Variants in RBFOX1 observed in about 807,000 individuals in gnomAD.
RBFOX1 encodes the protein RNA binding fox-1 homolog 1.
A neutral mutation model predicts 57.7 loss-of-function variants in RBFOX1; 8 were observed. The observed-to-expected ratio is 0.14, with a 90% CI of 0.08 to 0.25. The LOEUF is 0.25. Ranked by LOEUF, RBFOX1 falls within the 10% of genes least tolerant of loss-of-function variation. The pLI is 1.00. For synonymous variants in RBFOX1, 326 were observed against 222.4 expected, an observed-to-expected ratio of 1.47 and a Z score of -4.15; for missense variants, 611 against 548.5, an observed-to-expected ratio of 1.11 and a Z score of -1.14.
chr16:6,674,976 G>C (rs2057371700), intron 3 of RBFOX1, among the ~76,000 whole-genome samples: 1 of 151,996 alleles, frequency 6.6e-6, no homozygotes, highest in South Asian at 2.1e-4. Context: ...CATGATCTTG[G>C]CTCACTGCAA....
chr16:7,055,453 G>C (rs149224482), intron 4 of RBFOX1, among the ~76,000 whole-genome samples: 322 of 152,258 alleles, frequency 2.1e-3, no homozygotes, highest in Non-Finnish European at 3.6e-3. Flanking sequence ...CTGTGCTTCC[G>C]TTGGCCTTTC....
intron 2 of RBFOX1, among the ~76,000 whole-genome samples, chr16:6,475,823 A>G (rs1446249481): frequency 6.6e-6 from 1 of 152,208 alleles, no homozygotes; most frequent in Admixed American, 6.5e-5. Flanking sequence ...ATTGTGAGGA[A>G]TATTTCAATA....
At chr16:5,736,323 T>C (rs917676651) in intron 3 of RBFOX1, among the ~76,000 whole-genome samples, 2 of 152,316 alleles carry the variant, frequency 1.3e-5, no homozygotes, top group Non-Finnish European at 2.9e-5. Context: ...CAGAATCAGA[T>C]GTGTCACTAT....
chr16:5,340,852 A>G (rs1482486366), intron 1 of RBFOX1, among the ~76,000 whole-genome samples: 2 of 152,204 alleles, frequency 1.3e-5, no homozygotes, highest in Non-Finnish European at 2.9e-5. Flanking sequence ...GACAAGTCCT[A>G]CAGTTCCAGA....
intron 4 of RBFOX1, among the ~76,000 whole-genome samples, chr16:7,509,426 G>GTGTGTGTGTCTGTGTCTGTGTCTGTGTC (rs1555531504): frequency 6.8e-6 from 1 of 146,380 alleles, no homozygotes; most frequent in African/African-American, 2.5e-5. Context: ...GTGTGTGTGT[G>GTGTGTGTGTCTGTGTCTGTGTCTGTGTC]TGTGTCTGTG....
intron 3 of RBFOX1, chr16:5,867,220 A>G (rs191028778): frequency 2.1e-6 from 2 of 944,036 alleles, no homozygotes; most frequent in East Asian, 6.6e-5. Flanking sequence ...CAAATTATTG[A>G]TGCCAGTTCC....
intron 3 of RBFOX1, among the ~76,000 whole-genome samples, chr16:5,728,542 G>T (rs1318326073): frequency 2.0e-5 from 3 of 152,150 alleles, no homozygotes; most frequent in African/African-American, 7.2e-5. Flanking sequence ...TCCAGGTAAG[G>T]TCCCTGTGTT....
In RBFOX1 at chr16:5,454,925, T is replaced by TCC. The variant is rs1467907202; in HGVS notation, c.220-12291_220-12290insCC. ...TTCTTTCTTTCTTTCCTTTGTTTCTTTCTTCCTTCCTTCCTTCCTTCCTTC... is the reference window on the plus strand; with the variant it reads ...TTCTTTCTTTCTTTCCTTTGTTTCTTCCTCTTCCTTCCTTCCTTCCTTCCTTC... On this transcript the variant is annotated intron_variant, in intron 1 of 2. Transcript: ENST00000585867. 9.6e-4 allele frequency among the ~76,000 whole-genome samples: 51 copies of TCC among 53,024 alleles called. 3 individuals are homozygous for TCC. The highest frequency in any genetic ancestry group is 1.5e-3 in the Non-Finnish European group (38 of 24,648). The allele number at this position is 53,024 out of a possible 152,430, so 34.8% of individuals were successfully genotyped here.
chr16:5,842,973 C>T (rs2056662947), intron 3 of RBFOX1, among the ~76,000 whole-genome samples: 1 of 152,070 alleles, frequency 6.6e-6, no homozygotes, highest in Admixed American at 6.5e-5. Context: ...CATGTGCTAG[C>T]ATGTCTGGCT....
rs572927498 is a variant in RBFOX1, at chr16:7,700,496, C to G, written c.996-8560C>G. On this transcript the variant is annotated intron_variant, in intron 14 of 15. Transcript: ENST00000550418. ...TGCTTCATGGAAGGGTATTGAAAAT[C>G]TCATAAGGGATACAATTTGTTTTTC... is the stretch of plus-strand genomic sequence containing the variant. Among the ~76,000 whole-genome samples the G allele has an allele frequency of 3.9e-5, 6 of 152,292 alleles. No homozygotes were observed. The South Asian group carries it at 1.2e-3, about 32-fold the overall frequency.
chr16:6,251,140 C>T (rs2097607472), intron 1 of RBFOX1, among the ~76,000 whole-genome samples: 2 of 152,166 alleles, frequency 1.3e-5, no homozygotes, highest in Non-Finnish European at 2.9e-5. Flanking sequence ...ATTCACTCCT[C>T]ACAACAACCC....
intron 4 of RBFOX1, among the ~76,000 whole-genome samples, chr16:7,054,545 T>TGGGAGGG (rs1555823211): frequency 9.2e-6 from 1 of 108,404 alleles, no homozygotes; most frequent in Non-Finnish European, 2.0e-5. Flanking sequence ...CAAACCTGGG[T>TGGGAGGG]GGGGGGGCAT....
chr16:6,543,369 G>A (rs149364076), intron 2 of RBFOX1, among the ~76,000 whole-genome samples: 251 of 152,126 alleles, frequency 1.6e-3, no homozygotes, highest in Middle Eastern at 6.8e-3. Context: ...GTCTCTACTC[G>A]GTGGCTTCTC....
intron 4 of RBFOX1, among the ~76,000 whole-genome samples, chr16:7,088,435 C>T (rs1444288911): frequency 6.6e-6 from 1 of 151,952 alleles, no homozygotes; most frequent in Non-Finnish European, 1.5e-5. Context: ...AGATGTGTGT[C>T]CGTATGTGTG....
chr16:5,519,886 C>G (rs1297545242), intron 2 of RBFOX1, among the ~76,000 whole-genome samples: 1 of 152,126 alleles, frequency 6.6e-6, no homozygotes, highest in Admixed American at 6.5e-5. Context: ...TTCAATAATT[C>G]TTTATTGAGC....
intron 1 of RBFOX1, among the ~76,000 whole-genome samples, chr16:5,313,893 G>A (rs935907916): frequency 4.6e-5 from 7 of 152,210 alleles, no homozygotes; most frequent in South Asian, 4.2e-4. Context: ...GGCTTTGGAG[G>A]CTGTGGGTGG....
chr16:5,341,439 T>G (rs1040066720), intron 1 of RBFOX1, among the ~76,000 whole-genome samples: 2 of 151,550 alleles, frequency 1.3e-5, no homozygotes, highest in African/African-American at 2.4e-5. Flanking sequence ...TATAATGGAG[T>G]TGGAAAAAAG....
rs75844152 is a variant in RBFOX1, at chr16:5,664,605, T to C, written c.318+65644T>C. Among the ~76,000 whole-genome samples, 766 of 152,266 alleles carry C rather than the reference T, an allele frequency of 5.0e-3. 28 individuals carry two copies. In the East Asian group the frequency reaches 0.074, roughly 15 times the overall value. ...GAGTTTCTGCCACAGGACCCAGTAA[T>C]CTGATATGCAGCAAACTCCCTAAGG... is the stretch of plus-strand genomic sequence containing the variant. On this transcript the variant is annotated intron_variant, in intron 3 of 19. Coordinates refer to the RBFOX1 transcript ENST00000641259.
chr16:6,032,409 G>C (rs2095303979), intron 1 of RBFOX1, among the ~76,000 whole-genome samples: 1 of 152,042 alleles, frequency 6.6e-6, no homozygotes. Context: ...TCATTCCGTA[G>C]CACTCCAGAT....
Sources: allele counts gnomAD v4.1 joint callset (sites outside exome capture counted in the v4.1 genomes callset), GRCh38; gene constraint gnomAD v4.1.1; transcripts MANE v1.5; gene names NCBI Gene and HGNC (gene_info 2026-07-23, HGNC 2026-07-21).